The following ZNF2 variants were observed in gnomAD, a reference collection of about 807,000 sequenced individuals.
The protein encoded by ZNF2 is zinc finger protein 2.
In ZNF2, 12 loss-of-function variants were observed where a neutral mutation model predicts 21.9. The observed-to-expected ratio is 0.55, with a 90% confidence interval of 0.35 to 0.89. The LOEUF (loss-of-function observed/expected upper bound fraction) is 0.89, where lower values mean the gene tolerates loss of function less well. ZNF2 is among the 40% of genes least tolerant of loss of function. ZNF2 has a pLI of 0.01. For synonymous variants in ZNF2, 186 were observed against 196.3 expected (o/e 0.95, Z 0.44); for missense variants, 462 against 544.2 (o/e 0.85, Z 1.50).
At chr2:95,170,636 A>G (rs1415853123) in intron 1 of ZNF2, among the ~76,000 whole-genome samples, 1 of 152,224 alleles carries the variant, frequency 6.6e-6, no homozygotes, top group Non-Finnish European at 1.5e-5. Flanking sequence ...GTAAATATCT[A>G]TTGATCTGGT....
intron 1 of ZNF2, among the ~76,000 whole-genome samples, chr2:95,174,557 T>C (rs1397522436): frequency 4.6e-5 from 7 of 152,222 alleles, no homozygotes; most frequent in Non-Finnish European, 8.8e-5. Context: ...TTGAGGTTTT[T>C]TTCTCAAGAT....
Position 95,174,204 on chromosome 2 carries a change from A to G in ZNF2, c.-39-1984A>G, listed in dbSNP as rs1171902187. ...AGGGTTAGTGTTAATGATGAGTCATAAAAAGCTGTGTATATATCATATATC... is the reference window on the plus strand; with the variant it reads ...AGGGTTAGTGTTAATGATGAGTCATGAAAAGCTGTGTATATATCATATATC... On this transcript the variant is annotated intron_variant, in intron 1 of 4. Transcript: ENST00000614034. 2.0e-5 allele frequency among the ~76,000 whole-genome samples: 3 copies of G among 152,264 alleles called. No individual in the cohort carries two copies. In the East Asian group the frequency reaches 5.8e-4, roughly 29 times the overall value.
intron 1 of ZNF2, among the ~76,000 whole-genome samples, chr2:95,172,679 C>G (rs1347757725): frequency 6.6e-6 from 1 of 150,806 alleles, no homozygotes; most frequent in Admixed American, 6.6e-5. Context: ...CTCTGTCACC[C>G]AGGCTGGAGT....
intron 1 of ZNF2, among the ~76,000 whole-genome samples, chr2:95,167,111 A>G (rs1674085288): frequency 6.6e-6 from 1 of 152,208 alleles, no homozygotes; most frequent in South Asian, 2.1e-4. Flanking sequence ...AAAGACAGCA[A>G]TTTTAGTGGT....
intron 1 of ZNF2, among the ~76,000 whole-genome samples, chr2:95,167,640 G>A (rs1674125498): frequency 6.6e-6 from 1 of 151,824 alleles, no homozygotes; most frequent in Non-Finnish European, 1.5e-5. Context: ...TTGACGTCAG[G>A]AGTTCAAGAC....
chr2:95,182,252 TCCCTTC>T lies in ZNF2; in HGVS notation c.*148_*153del. ...CTGCGCCAGAGTGTTTAATAAGCAC[TCCCTTC>T]CTGCTGTGTTATAGAACTGTAGGGG... On this transcript the variant is annotated 3_prime_UTR_variant, in exon 5 of 5. Transcript: ENST00000614034. 4 of 1,006,538 alleles carry T rather than the reference TCCCTTC, an allele frequency of 4.0e-6. No homozygotes were observed. The highest frequency in any genetic ancestry group is 5.7e-6 in the Non-Finnish European group (4 of 701,424). The allele number at this position is 1,006,538 out of a possible 1,614,324, so 62.4% of individuals were successfully genotyped here.
In ZNF2 at chr2:95,182,008, G is replaced by A. The variant is rs1674690193; in HGVS notation, c.1180G>A (p.Glu394Lys). Reference protein sequence around the residue: ...LTRHQRVHTGEKPFECTVCGK... With the variant: ...LTRHQRVHTGKKPFECTVCGK... The stretch of plus-strand genomic sequence containing the variant: ...GCGGCATCAGCGTGTCCACACGGGA[G>A]AGAAGCCCTTTGAATGCACTGTGTG... Residue 394 changes from glutamate (E) to lysine (K), a missense_variant, in exon 5 of 5, where the codon GAG becomes AAG. Transcript: ENST00000614034. The A allele has an allele frequency of 1.6e-5, 26 of 1,614,292 alleles. No homozygotes were observed. The highest frequency in any genetic ancestry group is 2.2e-5 in the Non-Finnish European group (26 of 1,180,056).
intron 1 of ZNF2, among the ~76,000 whole-genome samples, chr2:95,174,343 G>A (rs1027760701): frequency 6.6e-6 from 1 of 152,150 alleles, no homozygotes; most frequent in African/African-American, 2.4e-5. Context: ...GTGATGACAT[G>A]TCCACACCCA....
intron 1 of ZNF2, among the ~76,000 whole-genome samples, chr2:95,175,829 G>A (rs1481800820): frequency 3.3e-5 from 5 of 152,188 alleles, no homozygotes; most frequent in Admixed American, 6.5e-5. Flanking sequence ...TGTCCATGTA[G>A]TCATTTATAA....
Position 95,182,249 on chromosome 2 carries a change from C to T in ZNF2, c.*143C>T. 9.8e-7 allele frequency: 1 copy of T among 1,015,324 alleles called. No homozygotes were observed. The highest frequency in any genetic ancestry group is 1.4e-6 in the Non-Finnish European group (1 of 707,894). 62.9% of individuals were successfully genotyped at this position (1,015,324 alleles called of 1,614,324 possible). On this transcript the variant is annotated 3_prime_UTR_variant, in exon 5 of 5. Coordinates refer to ENST00000614034, the MANE Select transcript of ZNF2 (RefSeq NM_021088.4). ...CTTCTGCGCCAGAGTGTTTAATAAG[C>T]ACTCCCTTCCTGCTGTGTTATAGAA...
At chr2:95,180,463 T>C (rs1027699556) in intron 4 of ZNF2, among the ~76,000 whole-genome samples, 191 bp downstream of exon 4, 1 of 152,152 alleles carries the variant, frequency 6.6e-6, no homozygotes, top group Admixed American at 6.5e-5. Flanking sequence ...ATTCACCAAG[T>C]GTTACTTTCT....
Position 95,181,668 on chromosome 2 carries a change from T to G in ZNF2, c.840T>G (p.Thr280=). 6.2e-7 allele frequency: 1 copy of G among 1,614,232 alleles called. No homozygotes were observed. The highest frequency in any genetic ancestry group is 8.5e-7 in the Non-Finnish European group (1 of 1,180,038). The change falls in exon 5 of 5, where the codon ACT becomes ACG. Residue 280 remains threonine (T), a synonymous_variant. Coordinates refer to ENST00000614034, the MANE Select transcript of ZNF2 (RefSeq NM_021088.4). ...SSLTRHQRIH[T]GESPYECHQC... is the part of the protein sequence containing the mutation. ...TTACTCGACACCAGAGAATTCACAC[T>G]GGAGAAAGTCCTTATGAATGTCATC...
At chr2:95,177,222 G>C (rs1203863236) in intron 2 of ZNF2, among the ~76,000 whole-genome samples, 1 of 152,104 alleles carries the variant, frequency 6.6e-6, no homozygotes, top group African/African-American at 2.4e-5. Context: ...GAATTTTTTT[G>C]TGCTGTTTTT....
At chr2:95,172,187 C>G (rs1329011734) in intron 1 of ZNF2, among the ~76,000 whole-genome samples, 1 of 152,146 alleles carries the variant, frequency 6.6e-6, no homozygotes, top group Non-Finnish European at 1.5e-5. Flanking sequence ...CACCGTCTGC[C>G]TAACACATAC....
chr2:95,182,209 C>T lies in ZNF2; in HGVS notation c.*103C>T, dbSNP rs992387738. ...TGCTCATTCTACCCACTCTGGCTGC[C>T]GTTGTCCTGTCCTGCTTCTGCGCCA... On this transcript the variant is annotated 3_prime_UTR_variant, in exon 5 of 5. Coordinates refer to ENST00000614034, the MANE Select transcript of ZNF2 (RefSeq NM_021088.4). 64 of 1,423,730 alleles carry T rather than the reference C, an allele frequency of 4.5e-5. No homozygotes were observed. The South Asian group carries it at 6.4e-4, about 14-fold the overall frequency. 88.2% of individuals were successfully genotyped at this position (1,423,730 alleles called of 1,614,324 possible).
chr2:95,170,564 C>T (rs1285709710), intron 1 of ZNF2, among the ~76,000 whole-genome samples: 4 of 152,060 alleles, frequency 2.6e-5, no homozygotes, highest in Non-Finnish European at 5.9e-5. Context: ...AGAAAATCCC[C>T]GAATATCCAA....
intron 1 of ZNF2, among the ~76,000 whole-genome samples, chr2:95,169,626 T>A (rs1310177867): frequency 2.0e-5 from 3 of 152,092 alleles, no homozygotes; most frequent in African/African-American, 7.2e-5. Context: ...GGCAGGCACC[T>A]ATAATCCCAG....
intron 1 of ZNF2, among the ~76,000 whole-genome samples, chr2:95,171,855 T>C (rs2104497855): frequency 6.6e-6 from 1 of 152,312 alleles, no homozygotes; most frequent in East Asian, 1.9e-4. Flanking sequence ...CGTGGCCACC[T>C]GTGTTGGGGT....
chr2:95,182,895 G>C lies in ZNF2; in HGVS notation c.*789G>C, dbSNP rs771158747. ...CTCAACTAGATTGTAAGCACTTGGA[G>C]GTGTGACTTACAGGTCTTTGTATCT... On this transcript the variant is annotated 3_prime_UTR_variant, in exon 5 of 5. Transcript: ENST00000614034. The C allele has an allele frequency of 6.6e-6, 1 of 152,118 alleles. No homozygotes were observed. The highest frequency in any genetic ancestry group is 1.5e-5 in the Non-Finnish European group (1 of 68,036). 9.4% of individuals were successfully genotyped at this position (152,118 alleles called of 1,614,324 possible).
Sources: allele counts gnomAD v4.1 joint callset (sites outside exome capture counted in the v4.1 genomes callset), GRCh38; gene constraint gnomAD v4.1.1; transcripts MANE v1.5; gene names NCBI Gene and HGNC (gene_info 2026-07-23, HGNC 2026-07-21).